OPRM1: variants seen among roughly 807,000 people sequenced by gnomAD.
The protein encoded by OPRM1 is opioid receptor mu 1.
A neutral mutation model predicts 31.8 loss-of-function variants in OPRM1; 27 were observed. The ratio of observed to expected loss-of-function variants is 0.85; its 90% CI spans 0.63 to 1.17. OPRM1 has a LOEUF of 1.17. Ranked by LOEUF, OPRM1 falls within the 50% of genes most tolerant of loss-of-function variation. The pLI is 0.00. For missense variants in OPRM1, 536 were observed against 511.1 expected (o/e 1.05, Z -0.47); for synonymous variants, 196 against 189.9 (o/e 1.03, Z -0.26).
At chr6:154,113,923 T>C (rs561587145) in intron 3 of OPRM1, among the ~76,000 whole-genome samples, 1 of 152,118 alleles carries the variant, frequency 6.6e-6, no homozygotes, top group Non-Finnish European at 1.5e-5. Flanking sequence ...CTTTCCCCAA[T>C]GAAGTGGCGA....
At chr6:154,204,968 C>T (rs1222667658) in intron 3 of OPRM1, among the ~76,000 whole-genome samples, 1 of 152,214 alleles carries the variant, frequency 6.6e-6, no homozygotes, top group Non-Finnish European at 1.5e-5. Flanking sequence ...ATCACCACAT[C>T]TCTGGTCCCT....
intron 1 of OPRM1, among the ~76,000 whole-genome samples, chr6:154,086,029 G>A (rs963909437): frequency 1.3e-5 from 2 of 151,570 alleles, no homozygotes; most frequent in African/African-American, 4.9e-5. Flanking sequence ...TCTAATTTTA[G>A]TAGAGACAGG....
At chr6:154,228,239 A>G (rs1302949134) in intron 3 of OPRM1, among the ~76,000 whole-genome samples, 1 of 151,948 alleles carries the variant, frequency 6.6e-6, no homozygotes, top group African/African-American at 2.4e-5. Context: ...GCCGAGGCAG[A>G]AAGATCACTT....
intron 3 of OPRM1, among the ~76,000 whole-genome samples, chr6:154,200,383 AATCT>A (rs1776963934): frequency 6.6e-6 from 1 of 152,346 alleles, no homozygotes; most frequent in Admixed American, 6.5e-5. Flanking sequence ...TATAATTTGC[AATCT>A]ATCACTGAAT....
intron 3 of OPRM1, among the ~76,000 whole-genome samples, chr6:154,146,272 C>T (rs1051748028): frequency 2.6e-5 from 4 of 152,288 alleles, no homozygotes; most frequent in African/African-American, 9.6e-5. Context: ...CGGTGGCGGG[C>T]GCCTGTGATC....
At chr6:154,044,652 A>C (rs1416350740) in intron 1 of OPRM1, among the ~76,000 whole-genome samples, 1 of 152,204 alleles carries the variant, frequency 6.6e-6, no homozygotes, top group Non-Finnish European at 1.5e-5. Flanking sequence ...AAAAAAAATA[A>C]ATCGGTTAAT....
chr6:154,135,632 G>T (rs192895717), downstream of OPRM1, among the ~76,000 whole-genome samples: 1,262 of 152,264 alleles, frequency 8.3e-3, 10 homozygotes, highest in Non-Finnish European at 1.0e-2. Flanking sequence ...AGGCTCCCTG[G>T]CCAACTTGAA....
At chr6:154,086,834 G>T (rs1268217048) in intron 1 of OPRM1, 25 of 985,128 alleles carry the variant, frequency 2.5e-5, no homozygotes, top group Non-Finnish European at 3.0e-5. Flanking sequence ...ATAACCAACG[G>T]TGAATCTAGC....
At chr6:154,152,226 AAAAG>A (rs1248370940) in intron 3 of OPRM1, among the ~76,000 whole-genome samples, 1 of 150,536 alleles carries the variant, frequency 6.6e-6, no homozygotes, top group African/African-American at 2.5e-5. Context: ...GAAAGAACGA[AAAAG>A]AAAGAGAAAA....
At chr6:154,061,331 G>T (rs893245057) in intron 1 of OPRM1, among the ~76,000 whole-genome samples, 2 of 152,074 alleles carry the variant, frequency 1.3e-5, no homozygotes, top group African/African-American at 4.8e-5. Flanking sequence ...CATGTTACCC[G>T]CACTGCGCTG....
chr6:154,159,972 G>A, intron 3 of OPRM1: 1 of 1,613,092 alleles, frequency 6.2e-7, no homozygotes, highest in South Asian at 1.1e-5. Context: ...TCCACTCTCT[G>A]TATTTCCTGG....
intron 3 of OPRM1, chr6:154,214,378 T>C: frequency 2.4e-6 from 2 of 835,562 alleles, no homozygotes; most frequent in Non-Finnish European, 4.2e-6. Flanking sequence ...GATTCTACCA[T>C]CAGTCTGCAC....
chr6:154,078,740 A>G (rs953801353), intron 1 of OPRM1, among the ~76,000 whole-genome samples: 2 of 152,060 alleles, frequency 1.3e-5, no homozygotes, highest in South Asian at 4.1e-4. Flanking sequence ...TTAGCCAGGC[A>G]TGGTGATGCA....
intron 2 of OPRM1, among the ~76,000 whole-genome samples, chr6:154,090,384 T>C (rs745532009): frequency 6.6e-6 from 1 of 152,240 alleles, no homozygotes; most frequent in Admixed American, 6.5e-5. Context: ...TTAAAGAGAA[T>C]GTAATCTATT....
intron 2 of OPRM1, among the ~76,000 whole-genome samples, chr6:154,090,575 T>G (rs17181199): frequency 2.0e-5 from 3 of 152,042 alleles, no homozygotes; most frequent in African/African-American, 7.3e-5. Context: ...TATTGAACAA[T>G]CCATCAAAAA....
At chr6:154,079,255 A>G (rs1278660276) in intron 1 of OPRM1, among the ~76,000 whole-genome samples, 3 of 152,234 alleles carry the variant, frequency 2.0e-5, no homozygotes, top group Non-Finnish European at 4.4e-5. Context: ...AGGGGAGTAG[A>G]AATCTGGCCA....
At chr6:154,102,520 G>A (rs1250752613) in intron 3 of OPRM1, among the ~76,000 whole-genome samples, 1 of 152,140 alleles carries the variant, frequency 6.6e-6, no homozygotes, top group East Asian at 1.9e-4. Context: ...ATGAAATAAT[G>A]TACCAAAAGA....
chr6:154,190,791 T>G (rs1164543168), intron 3 of OPRM1, among the ~76,000 whole-genome samples: 1 of 152,170 alleles, frequency 6.6e-6, no homozygotes, highest in Non-Finnish European at 1.5e-5. Flanking sequence ...AATAACAAAC[T>G]GTGATGCATC....
chr6:154,100,951 A>G (rs1794749532), intron 3 of OPRM1, among the ~76,000 whole-genome samples: 1 of 149,048 alleles, frequency 6.7e-6, no homozygotes, highest in Non-Finnish European at 1.5e-5. Context: ...AAATATATAT[A>G]CACACATATA....
Sources: gnomAD v4.1 joint callset for allele counts (sites outside exome capture counted in the v4.1 genomes callset) on GRCh38, gnomAD v4.1.1 for gene constraint, MANE v1.5 for transcripts, NCBI Gene and HGNC (gene_info 2026-07-23, HGNC 2026-07-21) for gene names.